MAPK4: variants seen among roughly 807,000 people sequenced by gnomAD.
MAPK4 encodes mitogen-activated protein kinase 4.
MAPK4 carries 22 observed loss-of-function variants against 47.7 expected under a neutral mutation model. The ratio of observed to expected loss-of-function variants is 0.46; its 90% CI spans 0.33 to 0.66. The LOEUF (loss-of-function observed/expected upper bound fraction) is 0.66, where lower values mean the gene tolerates loss of function less well. MAPK4 is among the 30% of genes least tolerant of loss of function. The pLI, the probability that MAPK4 is intolerant of heterozygous loss-of-function variation, is 0.02. For missense variants in MAPK4, 736 were observed against 831.7 expected, an observed-to-expected ratio of 0.88 and a Z score of 1.42; for synonymous variants, 390 against 365.7, an observed-to-expected ratio of 1.07 and a Z score of -0.76.
chr18:50,583,419 C>T (rs2042363433), intron 1 of MAPK4, among the ~76,000 whole-genome samples: 1 of 152,174 alleles, frequency 6.6e-6, no homozygotes, highest in Non-Finnish European at 1.5e-5. Context: ...GAAACCCCAT[C>T]TCTACTAAAA....
intron 1 of MAPK4, 29 bp downstream of exon 1, chr18:50,560,272 C>G (rs1443376288): frequency 1.3e-5 from 2 of 152,054 alleles, no homozygotes; most frequent in African/African-American, 4.8e-5. Flanking sequence ...CTGGCTTTCT[C>G]CTCCCGCCGC....
chr18:50,602,039 C>T (rs987441091), intron 1 of MAPK4, among the ~76,000 whole-genome samples: 1 of 152,276 alleles, frequency 6.6e-6, no homozygotes, highest in East Asian at 1.9e-4. Context: ...TATTTCCTAG[C>T]TGGTATGATC....
chr18:50,713,639 G>A lies in MAPK4; in HGVS notation c.547-1440G>A, dbSNP rs72923766. On this transcript the variant is annotated intron_variant, in intron 2 of 5. Coordinates refer to ENST00000400384, the MANE Select transcript of MAPK4 (RefSeq NM_002747.4). ...TAGTGGTCCTTGGAGGGGTGGGGAT[G>A]CAGAGAAGTAAAGAAACAGCAACAA... Among the ~76,000 whole-genome samples the A allele has an allele frequency of 4.3e-3, 652 of 152,346 alleles. 1 individual carries two copies. Among genetic ancestry groups the A allele is most frequent in the Admixed American group, 9.0e-3 (137 of 15,304 alleles).
chr18:50,644,008 G>A lies in MAPK4; in HGVS notation c.-870-19081G>A, dbSNP rs185868200. On this transcript the variant is annotated intron_variant, in intron 1 of 5. Coordinates refer to ENST00000400384, the MANE Select transcript of MAPK4 (RefSeq NM_002747.4). The stretch of plus-strand genomic sequence containing the variant: ...TTACTATCAACTTTAATGCCCTCTC[G>A]GTGGAAAGGGAGATGAATGCCTGCA... Among the ~76,000 whole-genome samples the A allele has an allele frequency of 3.4e-3, 509 of 151,936 alleles. 7 individuals carry two copies. The highest frequency in any genetic ancestry group is 0.011 in the African/African-American group (473 of 41,426).
At position 50,664,518 on chromosome 18, in the gene MAPK4, G is replaced by A. The variant is rs1018995762; in HGVS notation, c.546+14G>A. On this transcript the variant is annotated intron_variant, in intron 2 of 5. Transcript: ENST00000400384. The surrounding 1 kb of genome is among the most constrained non-coding windows in gnomAD (Gnocchi z 6.0). ...TACTCCCACAAGGTATGTCTGGCTG[G>A]AATGGCGGATACTGGTGGTCCACAG... 1 of 1,566,912 alleles carries A rather than the reference G, an allele frequency of 6.4e-7. No individual in the cohort carries two copies. Among genetic ancestry groups the A allele is most frequent in the Non-Finnish European group, 8.7e-7 (1 of 1,152,992 alleles).
chr18:50,635,105 A>C lies in MAPK4; in HGVS notation c.-870-27984A>C, dbSNP rs941065449. Among the ~76,000 whole-genome samples, 3 of 152,310 alleles carry C rather than the reference A, an allele frequency of 2.0e-5. No homozygotes were observed. The South Asian group carries it at 6.2e-4, about 32-fold the overall frequency. ...CAGCGTATCTGTCTTACTAATCATT[A>C]TATCTCCAGGGCTTCCTATGGTGCT... On this transcript the variant is annotated intron_variant, in intron 1 of 5. Transcript: ENST00000400384.
chr18:50,719,493 A>T (rs1910817724), intron 3 of MAPK4, among the ~76,000 whole-genome samples: 1 of 152,228 alleles, frequency 6.6e-6, no homozygotes, highest in African/African-American at 2.4e-5. Flanking sequence ...AAGGAGGAAC[A>T]GGTGGGAGGG....
intron 1 of MAPK4, among the ~76,000 whole-genome samples, chr18:50,617,541 C>T (rs552181929): frequency 2.7e-4 from 41 of 152,256 alleles, no homozygotes; most frequent in African/African-American, 8.9e-4. Flanking sequence ...CCAGTCTGTT[C>T]CACCCACAGG....
chr18:50,639,188 C>G (rs2042917138), intron 1 of MAPK4, among the ~76,000 whole-genome samples: 1 of 152,176 alleles, frequency 6.6e-6, no homozygotes. Context: ...AGTGAGCAGC[C>G]TTGAAGACAT....
At chr18:50,681,805 C>T (rs930248876) in intron 2 of MAPK4, among the ~76,000 whole-genome samples, 17 of 152,296 alleles carry the variant, frequency 1.1e-4, no homozygotes, top group African/African-American at 3.1e-4. Flanking sequence ...ATCTCAACTA[C>T]TGCAGTTTGT....
In MAPK4 at chr18:50,562,437, G is replaced by T. The variant is rs989983727; in HGVS notation, c.-871+2194G>T. 1.0e-3 allele frequency among the ~76,000 whole-genome samples: 124 copies of T among 119,746 alleles called. 2 individuals are homozygous for T. Among genetic ancestry groups the T allele is most frequent in the Non-Finnish European group, 2.0e-4 (11 of 56,352 alleles). The allele number at this position is 119,746 out of a possible 152,430, so 78.6% of individuals were successfully genotyped here. A position where few individuals can be genotyped will look rare whatever the true frequency, so the allele number is the denominator to read the frequency against. ...GGCCAATAAAAAAAAAAAAAAAAAA[G>T]ACACCTCCTAAACAAGGAAGGAACC... is the stretch of plus-strand genomic sequence containing the variant. On this transcript the variant is annotated intron_variant, in intron 1 of 5. Coordinates refer to ENST00000400384, the MANE Select transcript of MAPK4 (RefSeq NM_002747.4).
intron 1 of MAPK4, among the ~76,000 whole-genome samples, chr18:50,571,893 G>T (rs1169513286): frequency 6.6e-6 from 1 of 152,154 alleles, no homozygotes; most frequent in African/African-American, 2.4e-5. Flanking sequence ...CACCTTTAAA[G>T]AACTCAGAAT....
chr18:50,609,325 G>A (rs1421148635), intron 1 of MAPK4, among the ~76,000 whole-genome samples: 7 of 151,344 alleles, frequency 4.6e-5, no homozygotes, highest in East Asian at 3.9e-4. Context: ...CCTCCCGGGC[G>A]GGGCGGCGGC....
intron 2 of MAPK4, among the ~76,000 whole-genome samples, chr18:50,668,206 C>T (rs571190935): frequency 6.6e-6 from 1 of 152,342 alleles, no homozygotes; most frequent in Admixed American, 6.5e-5. Context: ...GTCCTGAGCA[C>T]AGAAGCATCT....
chr18:50,619,691 C>G (rs555794855), intron 1 of MAPK4, among the ~76,000 whole-genome samples: 1 of 152,322 alleles, frequency 6.6e-6, no homozygotes, highest in Admixed American at 6.5e-5. Flanking sequence ...ATGACTGCCT[C>G]TTTGTTCCTG....
intron 1 of MAPK4, among the ~76,000 whole-genome samples, chr18:50,618,719 A>G (rs1340475505): frequency 6.6e-6 from 1 of 152,244 alleles, no homozygotes; most frequent in Admixed American, 6.5e-5. Flanking sequence ...TAGAGACCAC[A>G]TGCAATTAGA....
chr18:50,619,453 A>T (rs2042712258), intron 1 of MAPK4, among the ~76,000 whole-genome samples: 1 of 152,180 alleles, frequency 6.6e-6, no homozygotes, highest in South Asian at 2.1e-4. Flanking sequence ...AACTAGGACT[A>T]CAGGCATGTG....
At chr18:50,563,386 A>G (rs1207086630) in intron 1 of MAPK4, among the ~76,000 whole-genome samples, 1 of 152,224 alleles carries the variant, frequency 6.6e-6, no homozygotes, top group Non-Finnish European at 1.5e-5. Context: ...TTCCTCTGGA[A>G]TAGTTTCCAT....
chr18:50,570,028 C>T (rs2042236150), intron 1 of MAPK4, among the ~76,000 whole-genome samples: 1 of 152,192 alleles, frequency 6.6e-6, no homozygotes, highest in Non-Finnish European at 1.5e-5. Context: ...TGTTGTTAAC[C>T]TCATCCAGCT....
Sources: gnomAD v4.1 joint callset for allele counts (sites outside exome capture counted in the v4.1 genomes callset) on GRCh38, gnomAD v4.1.1 for gene constraint, Gnocchi (gnomAD v3.1) non-coding constraint, MANE v1.5 for transcripts, NCBI Gene and HGNC (gene_info 2026-07-23, HGNC 2026-07-21) for gene names.